Variants in FBXO11 observed in about 807,000 individuals in gnomAD.
The protein encoded by FBXO11 is F-box only protein 11.
A neutral mutation model predicts 117.0 loss-of-function variants in FBXO11; 13 were observed. The observed-to-expected ratio is 0.11, with a 90% CI of 0.07 to 0.18. The LOEUF is 0.18. Ranked by LOEUF, FBXO11 falls within the 10% of genes least tolerant of loss-of-function variation. The probability of loss-of-function intolerance (pLI) is 1.00; values close to 1 mark genes in which losing one functional copy is unlikely to be tolerated. For missense variants in FBXO11, 767 were observed against 1,164.4 expected, an observed-to-expected ratio of 0.66 and a Z score of 4.97; for synonymous variants, 490 against 380.5, an observed-to-expected ratio of 1.29 and a Z score of -3.35.
intron 12 of FBXO11, 24 bp from the exon 13 acceptor site, chr2:47,822,327 AAAG>A (rs762493899): frequency 1.6e-5 from 24 of 1,464,470 alleles, no homozygotes; most frequent in Admixed American, 1.2e-4. Context: ...AAATAAAAAA[AAAG>A]AAGACATCTA....
intron 1 of FBXO11, chr2:47,865,727 G>A (rs1009961248): frequency 6.6e-6 from 1 of 152,092 alleles, no homozygotes; most frequent in African/African-American, 2.4e-5. Context: ...AGACACTGGT[G>A]GAAACAACAT....
At chr2:47,840,262 A>G (rs1296742527) in intron 1 of FBXO11, among the ~76,000 whole-genome samples, 3 of 151,918 alleles carry the variant, frequency 2.0e-5, no homozygotes, top group Non-Finnish European at 4.4e-5. Flanking sequence ...TTTTTTTTAA[A>G]AAAAGGTGAG....
chr2:47,838,309 C>T (rs1005492359), intron 4 of FBXO11, among the ~76,000 whole-genome samples: 3 of 152,056 alleles, frequency 2.0e-5, no homozygotes, highest in African/African-American at 7.2e-5. Context: ...ACACATTACA[C>T]AGTTTATGTA....
chr2:47,828,573 C>G (rs1208521575), intron 11 of FBXO11, among the ~76,000 whole-genome samples: 4 of 150,754 alleles, frequency 2.7e-5, no homozygotes, highest in Non-Finnish European at 5.9e-5. Context: ...TGCACCACTG[C>G]ACTCCAGCCT....
Position 47,819,096 on chromosome 2 carries a change from T to C in FBXO11, c.1798-18A>G, listed in dbSNP as rs1302816720. On this transcript the variant is annotated intron_variant, in intron 14 of 22. Transcript: ENST00000403359. ...TTTTCATGCTAAATGAAAGTTACACTGGTTATAATATTTATCTTCTATAAG... is the reference window on the plus strand; with the variant it reads ...TTTTCATGCTAAATGAAAGTTACACCGGTTATAATATTTATCTTCTATAAG... 2.5e-6 allele frequency: 4 copies of C among 1,609,974 alleles called. No individual in the cohort carries two copies. The highest frequency in any genetic ancestry group is 3.4e-6 in the Non-Finnish European group (4 of 1,177,728).
chr2:47,877,548 A>T (rs900236643), intron 1 of FBXO11, among the ~76,000 whole-genome samples: 2 of 151,890 alleles, frequency 1.3e-5, no homozygotes, highest in Non-Finnish European at 2.9e-5. Context: ...GTATTTTCGA[A>T]TTTTTGTTTG....
rs779938004 is a variant in FBXO11 at position 47,839,657 on chromosome 2, T to C, written c.345A>G (p.Thr115=). ...TTAAAGTTACCTCCATACTGTTCTT[T>C]GTGGGACACGCTGTTCTTTTCGGCA... ...TLLPKRTACP[T]KNSMEGASTS... Residue 115 remains threonine, a synonymous_variant, in exon 2 of 23, where the codon ACA becomes ACG. Transcript: ENST00000403359. 4 of 1,614,156 alleles carry C rather than the reference T, an allele frequency of 2.5e-6. No homozygotes were observed. Among genetic ancestry groups the C allele is most frequent in the Non-Finnish European group, 3.4e-6 (4 of 1,180,026 alleles).
In FBXO11 at chr2:47,818,774, T is replaced by C; in HGVS notation, c.2006+5A>G. 1.3e-6 allele frequency: 2 copies of C among 1,571,248 alleles called. No individual in the cohort carries two copies. Among genetic ancestry groups the C allele is most frequent in the Non-Finnish European group, 8.6e-7 (1 of 1,165,498 alleles). On this transcript the variant is annotated splice_donor_5th_base_variant and intron_variant, in intron 16 of 22. Coordinates refer to ENST00000403359, the MANE Select transcript of FBXO11 (RefSeq NM_001190274.2). ...CAAAAGATAGCCAAATATGAAAACA[T>C]TTACCTTATCTGAACCCCTGAATAC...
chr2:47,815,708 C>T (rs1041691606), intron 16 of FBXO11, among the ~76,000 whole-genome samples: 2 of 152,168 alleles, frequency 1.3e-5, no homozygotes, highest in Non-Finnish European at 2.9e-5. Context: ...CTCTTCAAAG[C>T]TGAAATTCAT....
chr2:47,849,596 G>C (rs1306496801), intron 1 of FBXO11, among the ~76,000 whole-genome samples: 3 of 152,190 alleles, frequency 2.0e-5, no homozygotes, highest in Admixed American at 6.5e-5. Context: ...CAACTAAACA[G>C]GCAGTAATAA....
intron 1 of FBXO11, among the ~76,000 whole-genome samples, chr2:47,869,056 T>G (rs955750268): frequency 4.6e-5 from 7 of 152,220 alleles, no homozygotes; most frequent in African/African-American, 1.7e-4. Context: ...TTTGTAGGGT[T>G]GAGGCAAAGT....
intron 1 of FBXO11, among the ~76,000 whole-genome samples, chr2:47,881,572 A>G (rs756724256): frequency 3.3e-5 from 5 of 152,254 alleles, no homozygotes; most frequent in Admixed American, 6.5e-5. Flanking sequence ...TGTTTCTTTT[A>G]AAGTGCTGAA....
chr2:47,903,909 C>T (rs1415800076), intron 1 of FBXO11, among the ~76,000 whole-genome samples: 1 of 152,106 alleles, frequency 6.6e-6, no homozygotes, highest in Admixed American at 6.5e-5. Context: ...TTAAAATTTA[C>T]CCCCAAAATG....
chr2:47,818,658 T>C lies in FBXO11; in HGVS notation c.2006+121A>G. 6.0e-6 allele frequency: 4 copies of C among 666,100 alleles called. No homozygotes were observed. The South Asian group carries it at 7.3e-5, about 12-fold the overall frequency. The allele number at this position is 666,100 out of a possible 1,614,324, so 41.3% of individuals were successfully genotyped here. ...ATTTAAGTCAAGATTATTTTAAGAA[T>C]GTGAATATATATACAATAGGGGGAT... is the stretch of plus-strand genomic sequence containing the variant. On this transcript the variant is annotated intron_variant, in intron 16 of 22. Transcript: ENST00000403359.
At chr2:47,843,445 T>C (rs946583476) in intron 1 of FBXO11, among the ~76,000 whole-genome samples, 1 of 150,732 alleles carries the variant, frequency 6.6e-6, no homozygotes, top group East Asian at 1.9e-4. Context: ...TTTTTTTTTT[T>C]GCCTGCAAAT....
chr2:47,816,908 G>GTT (rs1260071038), intron 16 of FBXO11, among the ~76,000 whole-genome samples: 2 of 152,084 alleles, frequency 1.3e-5, no homozygotes, highest in Non-Finnish European at 2.9e-5. Flanking sequence ...GGGCCCTAGG[G>GTT]TTTTCATAAT....
chr2:47,843,810 G>T (rs1334467604), intron 1 of FBXO11, among the ~76,000 whole-genome samples: 1 of 151,834 alleles, frequency 6.6e-6, no homozygotes, highest in Non-Finnish European at 1.5e-5. Flanking sequence ...GCGTGATCTC[G>T]GCTCACTGCA....
intron 16 of FBXO11, among the ~76,000 whole-genome samples, chr2:47,815,451 T>G (rs1182992877): frequency 6.6e-6 from 1 of 152,072 alleles, no homozygotes; most frequent in Non-Finnish European, 1.5e-5. Context: ...GGGACTCAAT[T>G]TGGGGGAGAA....
At chr2:47,814,766 GTTGT>G in intron 16 of FBXO11, among the ~76,000 whole-genome samples, 1 of 152,168 alleles carries the variant, frequency 6.6e-6, no homozygotes, top group East Asian at 1.9e-4. Context: ...AGCATGCAAT[GTTGT>G]TATAGCATTT....
Sources: gnomAD v4.1 joint callset for allele counts (sites outside exome capture counted in the v4.1 genomes callset) on GRCh38, gnomAD v4.1.1 for gene constraint, MANE v1.5 for transcripts, NCBI Gene and HGNC (gene_info 2026-07-23, HGNC 2026-07-21) for gene names.